Variants in OGA observed in about 807,000 individuals in gnomAD.
OGA encodes the protein O-GlcNAcase.
OGA carries 21 observed loss-of-function variants against 102.0 expected under a neutral mutation model. The observed-to-expected ratio is 0.21, with a 90% confidence interval of 0.15 to 0.30. The LOEUF (loss-of-function observed/expected upper bound fraction) is 0.30. Ranked by LOEUF, OGA falls within the 10% of genes least tolerant of loss-of-function variation. The pLI, the probability that OGA is intolerant of heterozygous loss-of-function variation, is 1.00. For synonymous variants in OGA, 408 were observed against 378.2 expected (o/e 1.08, Z -0.91); for missense variants, 765 against 1,107.8 (o/e 0.69, Z 4.39).
rs753710326 is a variant in OGA at position 101,816,680 on chromosome 10, AT to A, written c.199+1143del. ...CTATATAGCAGTTTTCCATTCTGTAATCCCCCAAATTCTGCAAGACAGTTAA... is the reference window on the plus strand; with the variant it reads ...CTATATAGCAGTTTTCCATTCTGTAACCCCCAAATTCTGCAAGACAGTTAA... On this transcript the variant is annotated intron_variant, in intron 1 of 15. Transcript: ENST00000361464. Among the ~76,000 whole-genome samples, 3 of 152,304 alleles carry A rather than the reference AT, an allele frequency of 2.0e-5. No individual in the cohort carries two copies. The East Asian group carries it at 5.8e-4, about 29-fold the overall frequency.
Position 101,803,978 on chromosome 10 carries a change from C to T in OGA, c.793G>A (p.Glu265Lys), listed in dbSNP as rs983038298. Reference protein sequence around the residue: ...VSKEIPVESIEEVSKIIKRAP... With the variant: ...VSKEIPVESIKEVSKIIKRAP... ...CTCTTAATAATCTTAGAAACCTCTT[C>T]GATGGACTCTACTGGAATTTCTTTA... is the stretch of plus-strand genomic sequence containing the variant. The change falls in exon 7 of 16, where the codon GAA becomes AAA. Residue 265 changes from glutamate (E) to lysine (K), a missense_variant. Physicochemically the swap from Glu to Lys is moderately conservative, Grantham distance 56. Transcript: ENST00000361464. 2 of 1,613,460 alleles carry T rather than the reference C, an allele frequency of 1.2e-6. No individual in the cohort carries two copies. The highest frequency in any genetic ancestry group is 1.7e-5 in the Admixed American group (1 of 59,922).
Position 101,806,117 on chromosome 10 carries a change from T to C in OGA, c.679A>G (p.Asn227Asp). ...TEYCGTFCYP[N>D]VSQSPYLRTV... ...CTTAAATATGGAGACTGAGACACAT[T>C]TGGATAACAGAAAGTGCCACAGTAT... The change falls in exon 6 of 16, where the codon AAT becomes GAT. Residue 227 changes from asparagine (N) to aspartate (D), a missense_variant. Physicochemically the swap from Asn to Asp is conservative, Grantham distance 23 (BLOSUM62 1). Around this residue, in one of 7 missense-constraint regions of OGA, gnomAD observed 165 missense variants for 249.7 expected, o/e 0.66. Transcript: ENST00000361464. The C allele has an allele frequency of 6.2e-7, 1 of 1,610,202 alleles. No homozygotes were observed. The highest frequency in any genetic ancestry group is 8.5e-7 in the Non-Finnish European group (1 of 1,176,386).
chr10:101,803,081 C>G (rs112877672), intron 7 of OGA, among the ~76,000 whole-genome samples: 12,225 of 147,022 alleles, frequency 0.083, 687 homozygotes, highest in Middle Eastern at 0.21. Context: ...GCAGAGGTTG[C>G]AGCGAGCTGA....
rs761011465 is a variant in OGA at position 101,798,823 on chromosome 10, G to T, written c.1809+19C>A. The T allele has an allele frequency of 6.3e-7, 1 of 1,599,334 alleles. No individual in the cohort carries two copies. The highest frequency in any genetic ancestry group is 8.5e-7 in the Non-Finnish European group (1 of 1,171,762). On this transcript the variant is annotated intron_variant, in intron 9 of 15. Coordinates refer to ENST00000361464, the MANE Select transcript of OGA (RefSeq NM_012215.5). ...GGAACCACCCAGGCTTCAGCAGCAG[G>T]TACATTAAACATACTCACTTTTTCA...
At position 101,817,951 on chromosome 10, in the gene OGA, A is replaced by G; in HGVS notation, c.72T>C (p.Ser24=). ...ESELSSNPAA[S]AGASLEPPAA... is the part of the protein sequence containing the mutation. ...CCGGCGGCTCCAGCGATGCCCCCGC[A>G]GAGGCGGCAGGGTTGGAGCTGAGCT... is the stretch of plus-strand genomic sequence containing the variant. The change falls in exon 1 of 16, where the codon TCT becomes TCC. Residue 24 remains serine (S), a synonymous_variant. Transcript: ENST00000361464. The G allele has an allele frequency of 1.9e-6, 3 of 1,600,026 alleles. No individual in the cohort carries two copies. The highest frequency in any genetic ancestry group is 1.3e-5 in the African/African-American group (1 of 74,612).
At position 101,799,228 on chromosome 10, in the gene OGA, T is replaced by C; in HGVS notation, c.1423A>G (p.Thr475Ala). The change falls in exon 9 of 16, where the codon ACG becomes GCG. Residue 475 changes from threonine (T) to alanine (A), a missense_variant. Physicochemically the swap from Thr to Ala is moderately conservative, Grantham distance 58 (BLOSUM62 0). This residue lies in a region of OGA where 281 missense variants were observed against 345.8 expected (regional missense o/e 0.81). Coordinates refer to ENST00000361464, the MANE Select transcript of OGA (RefSeq NM_012215.5). ...ATTTGATTGTCATTCTTGTGGTCCG[T>C]TTCTTCTTGTTTTTCCACCACCATG... ...MDMVVEKQEE[T>A]DHKNDNQILS... The C allele has an allele frequency of 1.2e-6, 2 of 1,614,234 alleles. No homozygotes were observed. The highest frequency in any genetic ancestry group is 2.2e-5 in the South Asian group (2 of 91,088).
chr10:101,799,895 CAG>C (rs2065366848), intron 8 of OGA, among the ~76,000 whole-genome samples: 2 of 152,030 alleles, frequency 1.3e-5, no homozygotes, highest in Non-Finnish European at 2.9e-5. Context: ...TTTTTTGAGA[CAG>C]AGTCTCGCTC....
chr10:101,811,406 G>GAAAAAAAAAAAAAAAAAAAAA (rs67433227), intron 3 of OGA, among the ~76,000 whole-genome samples: 2 of 45,704 alleles, frequency 4.4e-5, no homozygotes, highest in African/African-American at 9.9e-5. Flanking sequence ...GAAAAAAAAT[G>GAAAAAAAAAAAAAAAAAAAAA]AAAAAAAAAA....
At position 101,799,272 on chromosome 10, in the gene OGA, G is replaced by A. The variant is rs888170739; in HGVS notation, c.1379C>T (p.Pro460Leu). The A allele has an allele frequency of 1.2e-6, 2 of 1,613,908 alleles. No individual in the cohort carries two copies. The highest frequency in any genetic ancestry group is 3.3e-5 in the Admixed American group (2 of 59,982). The stretch of plus-strand genomic sequence containing the variant: ...CACCATGTCCATGGGTTCTTCATCA[G>A]GCTGTTTCTTTTCTTCTTCCTTGGT... Reference protein sequence around the residue: ...TLTKEEEKKQPDEEPMDMVVE... With the variant: ...TLTKEEEKKQLDEEPMDMVVE... The change falls in exon 9 of 16, where the codon CCT becomes CTT. Residue 460 changes from proline to leucine, a missense_variant. By Grantham distance (98) the Pro-to-Leu change is moderately conservative (BLOSUM62 -3). Around this residue, in one of 7 missense-constraint regions of OGA, gnomAD observed 281 missense variants for 345.8 expected, o/e 0.81. Transcript: ENST00000361464.
chr10:101,804,312 G>A (rs1421918575), intron 6 of OGA, among the ~76,000 whole-genome samples: 14 of 136,696 alleles, frequency 1.0e-4, no homozygotes, highest in South Asian at 6.8e-4. Context: ...TCGCTGTGTC[G>A]CCCAGGCTGG....
At chr10:101,814,850 A>G (rs1254246629) in intron 1 of OGA, among the ~76,000 whole-genome samples, 1 of 152,246 alleles carries the variant, frequency 6.6e-6, no homozygotes, top group Non-Finnish European at 1.5e-5. Context: ...CACACACTGC[A>G]GAAAACAAAC....
Position 101,818,365 on chromosome 10 carries a change from T to C in OGA, c.-343A>G. On this transcript the variant is annotated 5_prime_UTR_variant, in exon 1 of 16. Coordinates refer to ENST00000361464, the MANE Select transcript of OGA (RefSeq NM_012215.5). Reference sequence around the variant, plus strand: ...GCCTCTGCTGCCCTCCCGATAATCTTAGGTCTTCCGCTGTTTCCCCTCCAA... The same window carrying C: ...GCCTCTGCTGCCCTCCCGATAATCTCAGGTCTTCCGCTGTTTCCCCTCCAA... 1 of 1,062,794 alleles carries C rather than the reference T, an allele frequency of 9.4e-7. No individual in the cohort carries two copies. The highest frequency in any genetic ancestry group is 3.7e-5 in the South Asian group (1 of 26,876). The allele number at this position is 1,062,794 out of a possible 1,614,324, so 65.8% of individuals were successfully genotyped here. A position where few individuals can be genotyped will look rare whatever the true frequency, so the allele number is the denominator to read the frequency against.
At chr10:101,802,223 C>T (rs561931633) in intron 7 of OGA, among the ~76,000 whole-genome samples, 4 of 152,294 alleles carry the variant, frequency 2.6e-5, no homozygotes, top group African/African-American at 7.2e-5. Flanking sequence ...AAACTCTCCT[C>T]ATACTTTGAT....
chr10:101,812,924 C>G (rs1238305199), intron 3 of OGA, 106 bp downstream of exon 3: 3 of 948,214 alleles, frequency 3.2e-6, no homozygotes, highest in Admixed American at 1.8e-5. Context: ...AGGAAACTAC[C>G]TACAAAATAA....
intron 8 of OGA, 85 bp from the exon 9 acceptor site, chr10:101,799,540 C>T (rs370416247): frequency 7.3e-7 from 1 of 1,368,252 alleles, no homozygotes; most frequent in Non-Finnish European, 9.9e-7. Flanking sequence ...CAGAAAGATG[C>T]TTTATCATAT....
At chr10:101,811,226 T>C (rs563635964) in intron 3 of OGA, among the ~76,000 whole-genome samples, 3 of 150,314 alleles carry the variant, frequency 2.0e-5, no homozygotes, top group Admixed American at 2.0e-4. Flanking sequence ...CCATCTCTAC[T>C]AAAAATACAA....
intron 3 of OGA, among the ~76,000 whole-genome samples, chr10:101,812,310 G>A (rs1174096381): frequency 6.6e-6 from 1 of 152,146 alleles, no homozygotes; most frequent in Non-Finnish European, 1.5e-5. Context: ...GGGAGGCTGA[G>A]GCAGCAGAAT....
In OGA at chr10:101,785,850, A is replaced by G. The variant is rs561200901; in HGVS notation, c.*601T>C. The G allele has an allele frequency of 1.7e-4, 26 of 152,418 alleles. No homozygotes were observed. Among genetic ancestry groups the G allele is most frequent in the African/African-American group, 5.8e-4 (24 of 41,592 alleles). 9.4% of individuals were successfully genotyped at this position (152,418 alleles called of 1,614,324 possible). A position where few individuals can be genotyped will look rare whatever the true frequency, so the allele number is the denominator to read the frequency against. On this transcript the variant is annotated 3_prime_UTR_variant, in exon 16 of 16. Coordinates refer to ENST00000361464, the MANE Select transcript of OGA (RefSeq NM_012215.5). Reference sequence around the variant, plus strand: ...CAAACAAATGCACATTTGTCCCTACAAAGTACAACATGCCTGAACCAACAG... The same window carrying G: ...CAAACAAATGCACATTTGTCCCTACGAAGTACAACATGCCTGAACCAACAG...
chr10:101,790,879 C>T lies in OGA; in HGVS notation c.2454+17G>A. The T allele has an allele frequency of 1.3e-6, 2 of 1,545,620 alleles. No homozygotes were observed. The highest frequency in any genetic ancestry group is 1.8e-6 in the Non-Finnish European group (2 of 1,132,962). On this transcript the variant is annotated intron_variant, in intron 14 of 15. Transcript: ENST00000361464. ...AAAAGACCATTACCATAGTATAATT[C>T]TTAACCTTTGTATTACCTCAGCCTC...
Sources: gnomAD v4.1 joint callset for allele counts (sites outside exome capture counted in the v4.1 genomes callset) on GRCh38, gnomAD v4.1.1 for gene constraint, gnomAD v4.1.1 regional missense constraint, MANE v1.5 for transcripts, NCBI Gene and HGNC (gene_info 2026-07-23, HGNC 2026-07-21) for gene names.